KLHL23: variants seen among roughly 807,000 people sequenced by gnomAD.
The protein encoded by KLHL23 is kelch-like protein 23.
KLHL23 carries 33 observed loss-of-function variants against 48.9 expected under a neutral mutation model. That is an observed-to-expected ratio of 0.67 (90% CI 0.51 to 0.90). The LOEUF (loss-of-function observed/expected upper bound fraction) is 0.90. Ranked by LOEUF, KLHL23 falls within the 40% of genes least tolerant of loss-of-function variation. The pLI, the probability that KLHL23 is intolerant of heterozygous loss-of-function variation, is 0.00. For synonymous variants in KLHL23, 234 were observed against 231.6 expected (o/e 1.01, Z -0.09); for missense variants, 608 against 669.6 (o/e 0.91, Z 1.02).
At position 169,749,643 on chromosome 2, in the gene KLHL23, T is replaced by C; in HGVS notation, c.1588T>C (p.Tyr530His). 1 of 1,614,102 alleles carries C rather than the reference T, an allele frequency of 6.2e-7. No homozygotes were observed. The highest frequency in any genetic ancestry group is 8.5e-7 in the Non-Finnish European group (1 of 1,180,028). ...KGTYLQSIEK[Y>H]DPDLNKWEIV... ...AACGTATCTTCAGAGCATTGAGAAA[T>C]ATGATCCAGATCTTAATAAGTGGGA... Residue 530 changes from tyrosine to histidine, a missense_variant, in exon 4 of 4, where the codon TAT (tyrosine) becomes CAT (histidine). By Grantham distance (83) the Tyr-to-His change is moderately conservative. Coordinates refer to ENST00000392647, the MANE Select transcript of KLHL23 (RefSeq NM_144711.6).
intron 2 of KLHL23, among the ~76,000 whole-genome samples, chr2:169,737,270 G>A (rs1196960480): frequency 1.3e-5 from 2 of 152,218 alleles, no homozygotes; most frequent in African/African-American, 4.8e-5. Context: ...TGCTATAAAT[G>A]TTACGCATGA....
chr2:169,740,593 C>T (rs1033008292), intron 2 of KLHL23, among the ~76,000 whole-genome samples: 9 of 150,710 alleles, frequency 6.0e-5, no homozygotes, highest in East Asian at 3.9e-4. Context: ...GGACTACAGG[C>T]GCCCACCACC....
chr2:169,751,565 A>G lies in KLHL23; in HGVS notation c.*1833A>G, dbSNP rs1242556624. 4 of 152,242 alleles carry G rather than the reference A, an allele frequency of 2.6e-5. No individual in the cohort carries two copies. The highest frequency in any genetic ancestry group is 2.6e-4 in the Admixed American group (4 of 15,286). The allele number at this position is 152,242 out of a possible 1,614,324, so 9.4% of individuals were successfully genotyped here. ...GACATTTATGTCTGCATTCTTTATA[A>G]TAACAAAAATTGGGGAAAAAAACTC... On this transcript the variant is annotated 3_prime_UTR_variant, in exon 4 of 4. Coordinates refer to ENST00000392647, the MANE Select transcript of KLHL23 (RefSeq NM_144711.6).
intron 3 of KLHL23, among the ~76,000 whole-genome samples, chr2:169,746,921 C>T (rs965701927): frequency 1.3e-5 from 2 of 152,052 alleles, no homozygotes; most frequent in Non-Finnish European, 2.9e-5. Context: ...CAGTGTTTCA[C>T]AAGTACTTGA....
chr2:169,743,647 A>G (rs536177926), intron 3 of KLHL23, among the ~76,000 whole-genome samples: 1 of 152,180 alleles, frequency 6.6e-6, no homozygotes, highest in Non-Finnish European at 1.5e-5. Flanking sequence ...GCAGCCTTGG[A>G]TGTATTCCTT....
intron 2 of KLHL23, among the ~76,000 whole-genome samples, chr2:169,740,377 C>T (rs1688644176): frequency 6.6e-6 from 1 of 150,980 alleles, no homozygotes; most frequent in Non-Finnish European, 1.5e-5. Flanking sequence ...GCCTCCTAAA[C>T]TTCTGGAATT....
intron 2 of KLHL23, among the ~76,000 whole-genome samples, chr2:169,738,681 T>A (rs1688572773): frequency 6.6e-6 from 1 of 152,092 alleles, no homozygotes; most frequent in South Asian, 2.1e-4. Flanking sequence ...CACTTTTATT[T>A]TGGAATAGAA....
At chr2:169,737,067 A>G (rs1303620806) in intron 2 of KLHL23, among the ~76,000 whole-genome samples, 58 of 152,198 alleles carry the variant, frequency 3.8e-4, no homozygotes, top group Admixed American at 3.8e-3. Context: ...CTGAAGCTAA[A>G]CTGCCTGCAT....
chr2:169,736,155 G>A lies in KLHL23; in HGVS notation c.1141G>A (p.Ala381Thr), dbSNP rs201437773. The A allele has an allele frequency of 2.4e-5, 38 of 1,613,986 alleles. No individual in the cohort carries two copies. Among genetic ancestry groups the A allele is most frequent in the Non-Finnish European group, 2.9e-5 (34 of 1,180,040 alleles). ...TGCTTTAGGTGGTTACAGAAAAGGG[G>A]CTCCAGCAGAAGAGGCTGAGTTCTA... is the stretch of plus-strand genomic sequence containing the variant. ...VYALGGYRKG[A>T]PAEEAEFYDP... Residue 381 changes from alanine (A) to threonine (T), a missense_variant, in exon 2 of 4, where the codon GCT becomes ACT. Ala to Thr is a moderately conservative substitution (Grantham distance 58, BLOSUM62 0). This residue lies in a region of KLHL23 where 419 missense variants were observed against 473.1 expected (regional missense o/e 0.89). Coordinates refer to ENST00000392647, the MANE Select transcript of KLHL23 (RefSeq NM_144711.6).
At chr2:169,734,885 T>C in intron 1 of KLHL23, 128 bp from the exon 2 acceptor site, 2 of 1,255,336 alleles carry the variant, frequency 1.6e-6, no homozygotes, top group African/African-American at 1.5e-5. Flanking sequence ...CATTTTGCAT[T>C]TATTATTTAG....
At chr2:169,739,572 A>T (rs778456375) in intron 2 of KLHL23, among the ~76,000 whole-genome samples, 4 of 152,098 alleles carry the variant, frequency 2.6e-5, no homozygotes, top group Admixed American at 1.3e-4. Flanking sequence ...ACTTCCTACC[A>T]TCACCCAGGT....
In KLHL23 at chr2:169,735,538, T is replaced by A; in HGVS notation, c.524T>A (p.Phe175Tyr). Residue 175 changes from phenylalanine (F) to tyrosine (Y), a missense_variant, in exon 2 of 4, where the codon TTT becomes TAT. By Grantham distance (22) the Phe-to-Tyr change is conservative. This residue lies in a region of KLHL23 where 419 missense variants were observed against 473.1 expected (regional missense o/e 0.89). Coordinates refer to ENST00000392647, the MANE Select transcript of KLHL23 (RefSeq NM_144711.6). The surrounding 1 kb of genome is among the most constrained non-coding windows in gnomAD (Gnocchi z 4.5). ...AAGGAAGTGTGGCAACAAGAAGAAT[T>A]TCTGGAAATCAGCCTTGAAAAGTTT... is the stretch of plus-strand genomic sequence containing the variant. The part of the protein sequence containing the change: ...KFKEVWQQEE[F>Y]LEISLEKFLF... The A allele has an allele frequency of 6.2e-7, 1 of 1,613,740 alleles. No homozygotes were observed. The highest frequency in any genetic ancestry group is 8.5e-7 in the Non-Finnish European group (1 of 1,179,990).
At chr2:169,747,626 A>G (rs1235950251) in intron 3 of KLHL23, among the ~76,000 whole-genome samples, 2 of 152,028 alleles carry the variant, frequency 1.3e-5, no homozygotes, top group Non-Finnish European at 2.9e-5. Flanking sequence ...TGATTGTATT[A>G]TTCTTTCTAA....
intron 2 of KLHL23, among the ~76,000 whole-genome samples, chr2:169,738,130 C>T (rs983708107): frequency 1.3e-5 from 2 of 152,166 alleles, no homozygotes; most frequent in African/African-American, 4.8e-5. Context: ...ATACTTTGAA[C>T]TCAAAGCTTT....
intron 2 of KLHL23, 84 bp downstream of exon 2, chr2:169,736,311 T>C: frequency 1.3e-6 from 2 of 1,491,150 alleles, no homozygotes; most frequent in Non-Finnish European, 1.8e-6. Context: ...TTTATCACTT[T>C]GGGATGCTAT....
intron 1 of KLHL23, 30 bp from the exon 2 acceptor site, chr2:169,734,966 GAATGTGCAACATTGAAA>G: frequency 6.6e-7 from 1 of 1,504,526 alleles, no homozygotes; most frequent in African/African-American, 1.4e-5. Context: ...TTATTTGAGA[GAATGTGCAACATTGAAA>G]ACACATTTGT....
chr2:169,734,915 TTTG>T, intron 1 of KLHL23, 95 bp from the exon 2 acceptor site: 8 of 1,442,714 alleles, frequency 5.5e-6, no homozygotes, highest in Non-Finnish European at 7.3e-6. Flanking sequence ...TTAGTCCAGT[TTTG>T]GAGTATATCC....
chr2:169,734,426 G>C (rs1232496232), intron 1 of KLHL23, among the ~76,000 whole-genome samples: 4 of 150,798 alleles, frequency 2.7e-5, no homozygotes, highest in East Asian at 3.9e-4. Flanking sequence ...GCCCAGGCGC[G>C]GGGCGCGCGG....
chr2:169,739,087 C>T (rs77315473), intron 2 of KLHL23, among the ~76,000 whole-genome samples: 1 of 145,184 alleles, frequency 6.9e-6, no homozygotes, highest in African/African-American at 2.6e-5. Context: ...TCGACTTCCC[C>T]CACCCCTCCT....
Sources: allele counts gnomAD v4.1 joint callset (sites outside exome capture counted in the v4.1 genomes callset), GRCh38; gene constraint gnomAD v4.1.1; regional missense constraint gnomAD v4.1.1; non-coding constraint Gnocchi (gnomAD v3.1); transcripts MANE v1.5; gene names NCBI Gene and HGNC (gene_info 2026-07-23, HGNC 2026-07-21).